Variants in CHL1 observed in about 807,000 individuals in gnomAD.
The protein encoded by CHL1 is cell adhesion molecule L1 like, also known as neural cell adhesion molecule L1-like protein.
CHL1 carries 96 observed loss-of-function variants against 141.9 expected under a neutral mutation model. That is an observed-to-expected ratio of 0.68 (90% CI 0.57 to 0.80). The LOEUF (loss-of-function observed/expected upper bound fraction) is 0.80, where lower values mean the gene tolerates loss of function less well. Among genes scored for constraint, CHL1 ranks in the 30% least tolerant of loss-of-function variants. The pLI, the probability that CHL1 is intolerant of heterozygous loss-of-function variation, is 0.00. For missense variants in CHL1, 1,820 were observed against 1,457.2 expected (o/e 1.25, Z -4.05); for synonymous variants, 613 against 502.2 (o/e 1.22, Z -2.95).
At chr3:322,985 ACTTT>A (rs1700718570) in intron 3 of CHL1, among the ~76,000 whole-genome samples, 1 of 152,016 alleles carries the variant, frequency 6.6e-6, no homozygotes, top group African/African-American at 2.4e-5. Flanking sequence ...TGGAATACAT[ACTTT>A]CTAACATTCT....
chr3:273,544 A>G (rs1695824918), intron 2 of CHL1, among the ~76,000 whole-genome samples: 1 of 152,118 alleles, frequency 6.6e-6, no homozygotes, highest in Admixed American at 6.5e-5. Flanking sequence ...AGCCTTATCA[A>G]TATTTGCTTG....
At chr3:216,103 TAAACAA>T (rs1159307892) in intron 1 of CHL1, among the ~76,000 whole-genome samples, 2 of 152,122 alleles carry the variant, frequency 1.3e-5, no homozygotes, top group African/African-American at 4.8e-5. Context: ...GGCAAAAATG[TAAACAA>T]AAATTGATGT....
chr3:395,642 G>A (rs1204821436), intron 24 of CHL1, among the ~76,000 whole-genome samples: 6 of 152,222 alleles, frequency 3.9e-5, no homozygotes, highest in Non-Finnish European at 8.8e-5. Context: ...AAGAAAAGAA[G>A]GATGTAGAAG....
At chr3:266,351 A>G (rs998014343) in intron 2 of CHL1, among the ~76,000 whole-genome samples, 10 of 152,308 alleles carry the variant, frequency 6.6e-5, no homozygotes, top group African/African-American at 2.4e-4. Flanking sequence ...GGAAAGCGAT[A>G]CAATTTCTAC....
At chr3:307,693 A>G (rs139046763) in intron 2 of CHL1, among the ~76,000 whole-genome samples, 16 of 152,278 alleles carry the variant, frequency 1.1e-4, no homozygotes, top group African/African-American at 3.6e-4. Flanking sequence ...TTCTGCTAAC[A>G]TCGACTATAG....
chr3:391,751 G>T lies in CHL1; in HGVS notation c.2868G>T (p.Lys956Asn), dbSNP rs1342704520. 1 of 1,601,296 alleles carries T rather than the reference G, an allele frequency of 6.2e-7. No homozygotes were observed. The highest frequency in any genetic ancestry group is 1.3e-5 in the African/African-American group (1 of 74,418). Residue 956 changes from lysine (K) to asparagine (N), a missense_variant, in exon 23 of 28, where the codon AAG (lysine) becomes AAT (asparagine). Coordinates refer to ENST00000256509, the MANE Select transcript of CHL1 (RefSeq NM_006614.4). ...CCACTTTATCTTGGGGACTACCTAA[G>T]AAATTAAATGGAAACTTAACTGGCT... ...DTATLSWGLP[K>N]KLNGNLTGYL...
intron 2 of CHL1, among the ~76,000 whole-genome samples, chr3:306,303 T>C (rs1205918821): frequency 2.0e-5 from 3 of 152,282 alleles, no homozygotes; most frequent in African/African-American, 7.2e-5. Flanking sequence ...TTGTATCTTA[T>C]GGCTTGAATA....
intron 3 of CHL1, among the ~76,000 whole-genome samples, chr3:321,530 A>T (rs986113025): frequency 6.6e-6 from 1 of 152,098 alleles, no homozygotes; most frequent in African/African-American, 2.4e-5. Context: ...TTGTCTTCCG[A>T]ATAGCAACGA....
intron 2 of CHL1, among the ~76,000 whole-genome samples, chr3:260,857 A>T (rs563405301): frequency 1.5e-3 from 231 of 152,320 alleles, no homozygotes; most frequent in Middle Eastern, 3.4e-3. Context: ...TTTAAATGAG[A>T]TTATTTTTTC....
chr3:213,437 A>G (rs1185378903), intron 1 of CHL1: 4 of 152,214 alleles, frequency 2.6e-5, no homozygotes, highest in Non-Finnish European at 2.9e-5. Flanking sequence ...TCACTGCTGG[A>G]TAGGTGAATT....
At chr3:382,811 C>G (rs1451076755) in intron 18 of CHL1, 140 bp downstream of exon 18, 5 of 703,836 alleles carry the variant, frequency 7.1e-6, no homozygotes, top group South Asian at 3.8e-5. Flanking sequence ...AAACAGCACA[C>G]AAAATATTCA....
At chr3:390,230 C>A (rs1232133697) in intron 20 of CHL1, among the ~76,000 whole-genome samples, 1 of 152,190 alleles carries the variant, frequency 6.6e-6, no homozygotes, top group African/African-American at 2.4e-5. Context: ...GCTTATTACT[C>A]TGTAGTAAGA....
chr3:382,655 T>C lies in CHL1; in HGVS notation c.2160T>C (p.His720=). 1 of 1,613,680 alleles carries C rather than the reference T, an allele frequency of 6.2e-7. No homozygotes were observed. The highest frequency in any genetic ancestry group is 8.5e-7 in the Non-Finnish European group (1 of 1,179,748). The change falls in exon 18 of 28, where the codon CAT becomes CAC. Residue 720 remains histidine, a synonymous_variant. Coordinates refer to ENST00000256509, the MANE Select transcript of CHL1 (RefSeq NM_006614.4). ...AGCCTAGCCAGCCGTCAGACCATCA[T>C]GAAACACCACCAGCAGGTATGCAGG... The part of the protein sequence containing the change: ...RSQPSQPSDH[H]ETPPAAPDRN...
At chr3:244,717 T>A (rs981725084) in intron 2 of CHL1, 25 bp downstream of exon 2, 5 of 152,198 alleles carry the variant, frequency 3.3e-5, no homozygotes, top group African/African-American at 1.2e-4. Context: ...CTTAATCAGT[T>A]GTTTTATGCA....
intron 2 of CHL1, among the ~76,000 whole-genome samples, chr3:290,825 A>T (rs1011325578): frequency 6.6e-6 from 1 of 151,856 alleles, no homozygotes; most frequent in Non-Finnish European, 1.5e-5. Flanking sequence ...AATCCCAGCT[A>T]CTTGGGAGGC....
At chr3:332,836 C>A (rs761458440) in intron 5 of CHL1, among the ~76,000 whole-genome samples, 1 of 152,122 alleles carries the variant, frequency 6.6e-6, no homozygotes, top group African/African-American at 2.4e-5. Context: ...GATAAAATAT[C>A]TTTTGTAGGA....
chr3:235,109 C>T (rs1363844282), intron 1 of CHL1, among the ~76,000 whole-genome samples: 3 of 151,876 alleles, frequency 2.0e-5, no homozygotes, highest in South Asian at 2.1e-4. Context: ...CCCACTAACT[C>T]GTCATCTAGC....
At chr3:216,633 C>CT (rs1367042039) in intron 1 of CHL1, among the ~76,000 whole-genome samples, 2 of 152,222 alleles carry the variant, frequency 1.3e-5, no homozygotes, top group African/African-American at 4.8e-5. Flanking sequence ...TCACTGCCAA[C>CT]TACCCATGGG....
Position 234,195 on chromosome 3 carries a change from A to G in CHL1, c.-174-10418A>G, listed in dbSNP as rs201004811. Among the ~76,000 whole-genome samples, 394 of 120,068 alleles carry G rather than the reference A, an allele frequency of 3.3e-3. 1 individual carries two copies. Among genetic ancestry groups the G allele is most frequent in the African/African-American group, 0.01 (344 of 33,402 alleles). 78.8% of individuals were successfully genotyped at this position (120,068 alleles called of 152,430 possible). On this transcript the variant is annotated intron_variant, in intron 1 of 27. Transcript: ENST00000256509. ...TTATTAGGTATATGTGTGTGTGTGT[A>G]TATATATATATATGTATATATGTAT...
Sources: gnomAD v4.1 joint callset for allele counts (sites outside exome capture counted in the v4.1 genomes callset) on GRCh38, gnomAD v4.1.1 for gene constraint, MANE v1.5 for transcripts, NCBI Gene and HGNC (gene_info 2026-07-23, HGNC 2026-07-21) for gene names.